Variants in ZNF267 observed in about 807,000 individuals in gnomAD.
ZNF267 encodes zinc finger (C2H2).
ZNF267 carries 61 observed loss-of-function variants against 71.6 expected under a neutral mutation model. That is an observed-to-expected ratio of 0.85 (90% CI 0.69 to 1.05). ZNF267 has a LOEUF of 1.05. ZNF267 is among the 50% of genes least tolerant of loss of function. The pLI is 0.00. For missense variants in ZNF267, 852 were observed against 870.0 expected, an observed-to-expected ratio of 0.98 and a Z score of 0.26; for synonymous variants, 288 against 293.2, an observed-to-expected ratio of 0.98 and a Z score of 0.18.
At chr16:31,906,171 G>T (rs539289774) in intron 3 of ZNF267, among the ~76,000 whole-genome samples, 1 of 152,206 alleles carries the variant, frequency 6.6e-6, no homozygotes, top group African/African-American at 2.4e-5. Flanking sequence ...GTACCCGGCC[G>T]TGTGAGGTGT....
At chr16:31,899,467 A>T (rs2084022633) in intron 3 of ZNF267, among the ~76,000 whole-genome samples, 1 of 152,214 alleles carries the variant, frequency 6.6e-6, no homozygotes, top group Non-Finnish European at 1.5e-5. Context: ...AGAAATAAAG[A>T]TGTTCTTTGA....
intron 3 of ZNF267, among the ~76,000 whole-genome samples, chr16:31,888,760 A>G (rs2083940495): frequency 6.6e-6 from 1 of 151,544 alleles, no homozygotes; most frequent in Non-Finnish European, 1.5e-5. Flanking sequence ...TATAAGGAAT[A>G]TTGTTTTGTT....
chr16:31,883,117 A>G (rs2083901025), intron 1 of ZNF267, among the ~76,000 whole-genome samples: 3 of 152,184 alleles, frequency 2.0e-5, no homozygotes, highest in Non-Finnish European at 2.9e-5. Context: ...TATTCTCTAT[A>G]TTTTCAGAGA....
chr16:31,914,272 C>A (rs2084155841), intron 3 of ZNF267: 1 of 507,414 alleles, frequency 2.0e-6, no homozygotes, highest in Non-Finnish European at 3.4e-6. Flanking sequence ...CAAGCACTCC[C>A]TTTCCTTCAC....
intron 3 of ZNF267, chr16:31,894,778 C>T: frequency 2.0e-6 from 1 of 500,696 alleles, no homozygotes; most frequent in South Asian, 1.5e-5. Context: ...GCAGTTTCTT[C>T]TTTCCTTTCA....
At chr16:31,895,163 G>T (rs2083989039) in intron 3 of ZNF267, among the ~76,000 whole-genome samples, 1 of 152,192 alleles carries the variant, frequency 6.6e-6, no homozygotes, top group Non-Finnish European at 1.5e-5. Flanking sequence ...TGAGCTCTGG[G>T]TGAGCTCGGG....
chr16:31,908,672 A>T (rs1410686213), intron 3 of ZNF267, among the ~76,000 whole-genome samples: 1 of 152,070 alleles, frequency 6.6e-6, no homozygotes, highest in Non-Finnish European at 1.5e-5. Flanking sequence ...TTGAAAAAAA[A>T]CTGTCCTTTC....
chr16:31,904,870 C>G (rs1322680299), intron 3 of ZNF267, among the ~76,000 whole-genome samples: 1 of 152,220 alleles, frequency 6.6e-6, no homozygotes, highest in Non-Finnish European at 1.5e-5. Context: ...GATGTAGTTT[C>G]TTTCTAGCCT....
rs1250905975 is a variant in ZNF267, at chr16:31,914,874, G to A, written c.625G>A (p.Val209Ile). 2.5e-6 allele frequency: 4 copies of A among 1,612,086 alleles called. No individual in the cohort carries two copies. Among genetic ancestry groups the A allele is most frequent in the South Asian group, 1.1e-5 (1 of 90,272 alleles). ...QVSTLNSYRN[V>I]FIGEKNYHCN... ...CTCTACTCTAAATAGTTACCGAAAT[G>A]TTTTTATTGGAGAGAAAAATTATCA... Residue 209 changes from valine (V) to isoleucine (I), a missense_variant, in exon 4 of 4, where the codon GTT (valine) becomes ATT (isoleucine). Physicochemically the swap from Val to Ile is conservative, Grantham distance 29. Transcript: ENST00000300870.
chr16:31,893,034 G>A (rs2083972063), intron 3 of ZNF267, among the ~76,000 whole-genome samples: 1 of 152,238 alleles, frequency 6.6e-6, no homozygotes, highest in African/African-American at 2.4e-5. Context: ...CACTGCCCTA[G>A]CAGAGGTTCT....
At chr16:31,904,371 A>C (rs1276044762) in intron 3 of ZNF267, among the ~76,000 whole-genome samples, 1 of 152,194 alleles carries the variant, frequency 6.6e-6, no homozygotes, top group South Asian at 2.1e-4. Context: ...TGATCTGTCT[A>C]ATGTTGACAA....
chr16:31,916,625 A>T lies in ZNF267; in HGVS notation c.*144A>T. The stretch of plus-strand genomic sequence containing the variant: ...TTCAAGCCTTACACAATAGCAGAGA[A>T]TATAAACTGAAAAAATCCATACAAA... On this transcript the variant is annotated 3_prime_UTR_variant, in exon 4 of 4. Coordinates refer to ENST00000300870, the MANE Select transcript of ZNF267 (RefSeq NM_003414.6). 1.2e-6 allele frequency: 1 copy of T among 826,814 alleles called. No individual in the cohort carries two copies. Among genetic ancestry groups the T allele is most frequent in the South Asian group, 1.9e-5 (1 of 51,360 alleles). The allele number at this position is 826,814 out of a possible 1,614,324, so 51.2% of individuals were successfully genotyped here. A position where few individuals can be genotyped will look rare whatever the true frequency, so the allele number is the denominator to read the frequency against.
chr16:31,900,632 G>T (rs1459694348), intron 3 of ZNF267, among the ~76,000 whole-genome samples: 1 of 151,880 alleles, frequency 6.6e-6, no homozygotes, highest in Non-Finnish European at 1.5e-5. Context: ...TTTTAGTAGA[G>T]ATGGGGTTTC....
At chr16:31,877,725 TTTGCA>T (rs1179294892) in intron 1 of ZNF267, among the ~76,000 whole-genome samples, 1 of 152,232 alleles carries the variant, frequency 6.6e-6, no homozygotes, top group Non-Finnish European at 1.5e-5. Flanking sequence ...AGGGTTGTTT[TTTGCA>T]GTAGGCTGTT....
chr16:31,885,143 A>T lies in ZNF267; in HGVS notation c.131-18A>T, dbSNP rs1287798966. 6.4e-7 allele frequency: 1 copy of T among 1,574,280 alleles called. No individual in the cohort carries two copies. The highest frequency in any genetic ancestry group is 8.6e-7 in the Non-Finnish European group (1 of 1,165,382). On this transcript the variant is annotated intron_variant, in intron 2 of 3. Transcript: ENST00000300870. ...AGAACCCTCATTAAGAGTCATGTGA[A>T]TTTTTCCAATAAAACAGGTCTTGTT...
chr16:31,896,913 CTT>C (rs1478509304), intron 3 of ZNF267, among the ~76,000 whole-genome samples: 1 of 151,976 alleles, frequency 6.6e-6, no homozygotes, highest in African/African-American at 2.4e-5. Context: ...CACAAGATAT[CTT>C]TTCATTTATT....
At chr16:31,898,240 G>C (rs2142347539) in intron 3 of ZNF267, among the ~76,000 whole-genome samples, 1 of 152,078 alleles carries the variant, frequency 6.6e-6, no homozygotes, top group Admixed American at 6.5e-5. Context: ...CTTGTATTTT[G>C]TGACAGTTTT....
At chr16:31,885,092 A>C (rs1198997797) in intron 2 of ZNF267, 69 bp from the exon 3 acceptor site, 5 of 1,356,326 alleles carry the variant, frequency 3.7e-6, no homozygotes, top group Non-Finnish European at 4.9e-6. Flanking sequence ...TGGGGCCAAA[A>C]AAAAGTATAA....
At chr16:31,904,229 G>A (rs1457547745) in intron 3 of ZNF267, among the ~76,000 whole-genome samples, 1 of 152,170 alleles carries the variant, frequency 6.6e-6, no homozygotes, top group East Asian at 1.9e-4. Context: ...TTTTGGAATA[G>A]GTGTGGTGTG....
Sources: allele counts gnomAD v4.1 joint callset (sites outside exome capture counted in the v4.1 genomes callset), GRCh38; gene constraint gnomAD v4.1.1; transcripts MANE v1.5; gene names NCBI Gene and HGNC (gene_info 2026-07-23, HGNC 2026-07-21).